Variants in DISC1 observed in about 807,000 individuals in gnomAD.
DISC1 encodes DISC1 scaffold protein.
Under a neutral mutation model 84.5 loss-of-function variants are expected in DISC1, and 57 were observed. The ratio of observed to expected loss-of-function variants is 0.67; its 90% CI spans 0.55 to 0.84. The LOEUF is 0.84. DISC1 is among the 40% of genes least tolerant of loss of function. The pLI is 0.00. For synonymous variants in DISC1, 411 were observed against 415.2 expected, an observed-to-expected ratio of 0.99 and a Z score of 0.12; for missense variants, 1,000 against 1,057.8, an observed-to-expected ratio of 0.95 and a Z score of 0.76.
At chr1:231,725,997 C>T (rs1454874060) in intron 3 of DISC1, among the ~76,000 whole-genome samples, 1 of 152,140 alleles carries the variant, frequency 6.6e-6, no homozygotes. Flanking sequence ...AGCACATCCC[C>T]TTTCCTCCTC....
Position 231,874,451 on chromosome 1 carries a change from G to A in DISC1, c.1981+55934G>A, listed in dbSNP as rs116319753. On this transcript the variant is annotated intron_variant, in intron 9 of 12. Coordinates refer to ENST00000439617, the MANE Select transcript of DISC1 (RefSeq NM_018662.3). ...TGAGATTATAGGTGTGAGCCACCGC[G>A]CCCAGCCAATATTCTTAAATAGTGA... Among the ~76,000 whole-genome samples the A allele has an allele frequency of 9.6e-3, 1,453 of 151,910 alleles. 23 individuals are homozygous for A. The highest frequency in any genetic ancestry group is 0.032 in the African/African-American group (1,341 of 41,412).
intron 3 of DISC1, among the ~76,000 whole-genome samples, chr1:231,720,256 CTT>C (rs1183293450): frequency 1.3e-5 from 2 of 152,260 alleles, no homozygotes; most frequent in South Asian, 2.1e-4. Context: ...CCACTATAGT[CTT>C]TTGACTTTTC....
At chr1:231,959,886 C>T (rs930330338) in intron 10 of DISC1, among the ~76,000 whole-genome samples, 13 of 152,192 alleles carry the variant, frequency 8.5e-5, no homozygotes, top group Non-Finnish European at 2.9e-5. Flanking sequence ...CCTCCTCTCG[C>T]ATGTGTTCGG....
intron 11 of DISC1, among the ~76,000 whole-genome samples, chr1:232,013,749 T>C (rs1226681294): frequency 1.3e-5 from 2 of 152,186 alleles, no homozygotes; most frequent in Admixed American, 1.3e-4. Context: ...CTCTGCATAG[T>C]ATTTATTCCT....
At chr1:231,998,774 C>G (rs1666288899) in intron 10 of DISC1, among the ~76,000 whole-genome samples, 2 of 152,068 alleles carry the variant, frequency 1.3e-5, no homozygotes, top group South Asian at 4.1e-4. Flanking sequence ...GCAAATAAAG[C>G]TTAGCAAATT....
At chr1:231,818,171 G>T (rs1230240372) in intron 8 of DISC1, among the ~76,000 whole-genome samples, 158 bp from the exon 9 acceptor site, 2 of 152,180 alleles carry the variant, frequency 1.3e-5, no homozygotes, top group African/African-American at 4.8e-5. Context: ...ATTTTTCCAG[G>T]TTCTTTCCCC....
chr1:232,009,570 T>G lies in DISC1; in HGVS notation c.2307+521T>G. ...TTTACCAAAACCAGATCATAATGAA[T>G]GTTTATAATGTTCTTCTTTCATAAA... On this transcript the variant is annotated intron_variant, in intron 11 of 12. Transcript: ENST00000439617. The surrounding 1 kb of genome is among the most constrained non-coding windows in gnomAD (Gnocchi z 4.6). 1 of 920,084 alleles carries G rather than the reference T, an allele frequency of 1.1e-6. No homozygotes were observed. The highest frequency in any genetic ancestry group is 1.3e-6 in the Non-Finnish European group (1 of 770,594). The allele number at this position is 920,084 out of a possible 1,614,324, so 57.0% of individuals were successfully genotyped here. A position where few individuals can be genotyped will look rare whatever the true frequency, so the allele number is the denominator to read the frequency against.
intron 5 of DISC1, among the ~76,000 whole-genome samples, chr1:231,769,844 TAG>T (rs1308572031): frequency 2.1e-4 from 32 of 151,724 alleles, no homozygotes; most frequent in Admixed American, 1.5e-3. Context: ...AAAGTGGAGG[TAG>T]AGAGGTTAGT....
intron 12 of DISC1, among the ~76,000 whole-genome samples, chr1:232,032,397 A>G (rs1242526091): frequency 6.6e-6 from 1 of 152,176 alleles, no homozygotes; most frequent in Admixed American, 6.5e-5. Flanking sequence ...ATATTGCCTT[A>G]TCATCTATTC....
chr1:231,943,573 T>C (rs2091461923), intron 9 of DISC1, among the ~76,000 whole-genome samples: 1 of 152,158 alleles, frequency 6.6e-6, no homozygotes, highest in Non-Finnish European at 1.5e-5. Flanking sequence ...AAGGGTGTGC[T>C]CACAGGTTAG....
intron 10 of DISC1, among the ~76,000 whole-genome samples, chr1:231,972,540 T>A (rs1000822706): frequency 6.6e-6 from 1 of 152,238 alleles, no homozygotes; most frequent in Non-Finnish European, 1.5e-5. Context: ...CATCTCCAGC[T>A]ATGTTAGTCT....
chr1:231,816,679 A>G (rs575533780), intron 8 of DISC1, among the ~76,000 whole-genome samples: 58 of 152,236 alleles, frequency 3.8e-4, no homozygotes, highest in Non-Finnish European at 6.9e-4. Context: ...TCTTTTCCTC[A>G]TTGACTTGCT....
rs149811411 is a variant in DISC1 at position 231,955,070 on chromosome 1, T to C, written c.1982-3758T>C. 1.8e-4 allele frequency among the ~76,000 whole-genome samples: 27 copies of C among 152,370 alleles called. No homozygotes were observed. In the East Asian group the frequency reaches 5.0e-3, roughly 28 times the overall value. On this transcript the variant is annotated intron_variant, in intron 9 of 12. Transcript: ENST00000439617. Reference sequence around the variant, plus strand: ...TTTCTTAACAAAGTGATTAACTTGATAGACATCTAGATTCTTTTTAAACAT... The same window carrying C: ...TTTCTTAACAAAGTGATTAACTTGACAGACATCTAGATTCTTTTTAAACAT...
At chr1:231,983,088 C>T (rs1202164115) in intron 10 of DISC1, among the ~76,000 whole-genome samples, 1 of 152,090 alleles carries the variant, frequency 6.6e-6, no homozygotes, top group Non-Finnish European at 1.5e-5. Flanking sequence ...TGGTTAGAGA[C>T]AGCATGACCA....
chr1:231,728,840 A>G (rs1372124901), intron 3 of DISC1, among the ~76,000 whole-genome samples: 1 of 151,738 alleles, frequency 6.6e-6, no homozygotes, highest in Non-Finnish European at 1.5e-5. Flanking sequence ...TTATAGAGGC[A>G]TATATATATA....
At chr1:231,842,213 G>C (rs2083133037) in intron 9 of DISC1, among the ~76,000 whole-genome samples, 2 of 152,086 alleles carry the variant, frequency 1.3e-5, no homozygotes, top group Non-Finnish European at 2.9e-5. Context: ...CTGTTGCCCA[G>C]GCTGGCCTTG....
chr1:231,659,261 T>C (rs1019139994), intron 1 of DISC1, among the ~76,000 whole-genome samples: 1 of 152,198 alleles, frequency 6.6e-6, no homozygotes, highest in African/African-American at 2.4e-5. Context: ...TTTTAGTCTA[T>C]GTGCATAGAG....
intron 8 of DISC1, among the ~76,000 whole-genome samples, chr1:231,804,223 G>C (rs748394539): frequency 3.3e-5 from 5 of 152,140 alleles, no homozygotes; most frequent in Non-Finnish European, 7.3e-5. Context: ...ACTATAACAA[G>C]TCTCAATGAG....
chr1:231,924,658 A>AT (rs1338480700), intron 9 of DISC1, among the ~76,000 whole-genome samples: 2,531 of 142,346 alleles, frequency 0.018, 17 homozygotes, highest in Non-Finnish European at 0.023. Flanking sequence ...ATTTGCAACA[A>AT]TTTTTTTTTT....
Sources: gnomAD v4.1 joint callset for allele counts (sites outside exome capture counted in the v4.1 genomes callset) on GRCh38, gnomAD v4.1.1 for gene constraint, Gnocchi (gnomAD v3.1) non-coding constraint, MANE v1.5 for transcripts, NCBI Gene and HGNC (gene_info 2026-07-23, HGNC 2026-07-21) for gene names.